The following SLC1A4 variants were observed in gnomAD, a reference collection of about 807,000 sequenced individuals.
The protein encoded by SLC1A4 is solute carrier family 1 member 4.
In SLC1A4, 19 loss-of-function variants were observed where a neutral mutation model predicts 37.7. That is an observed-to-expected ratio of 0.50 (90% CI 0.35 to 0.74). SLC1A4 has a LOEUF of 0.74. SLC1A4 is among the 30% of genes least tolerant of loss of function. SLC1A4 has a pLI of 0.01. For synonymous variants in SLC1A4, 299 were observed against 309.8 expected, an observed-to-expected ratio of 0.97 and a Z score of 0.37; for missense variants, 570 against 712.9, an observed-to-expected ratio of 0.80 and a Z score of 2.28.
At chr2:65,006,854 C>G (rs1673695758) in intron 3 of SLC1A4, among the ~76,000 whole-genome samples, 1 of 152,102 alleles carries the variant, frequency 6.6e-6, no homozygotes, top group East Asian at 1.9e-4. Flanking sequence ...GTAGGAGGAT[C>G]CCTTGAGCCA....
intron 1 of SLC1A4, 69 bp from the exon 2 acceptor site, chr2:65,001,379 G>A: frequency 7.0e-7 from 1 of 1,432,140 alleles, no homozygotes; most frequent in South Asian, 1.2e-5. Context: ...TCCAGCCTGG[G>A]CAACAGGGAC....
At chr2:65,010,358 T>G (rs1333860117) in intron 3 of SLC1A4, among the ~76,000 whole-genome samples, 2 of 152,264 alleles carry the variant, frequency 1.3e-5, no homozygotes, top group African/African-American at 2.4e-5. Flanking sequence ...TATGCCATTT[T>G]GGGCAGCTTT....
At chr2:64,997,650 C>T (rs538989738) in intron 1 of SLC1A4, among the ~76,000 whole-genome samples, 96 of 152,324 alleles carry the variant, frequency 6.3e-4, no homozygotes, top group African/African-American at 2.3e-3. Flanking sequence ...CACTTGGCTC[C>T]TTTTTATTGC....
chr2:65,010,567 A>C (rs775121835), intron 3 of SLC1A4, 30 bp from the exon 4 acceptor site: 1 of 1,563,596 alleles, frequency 6.4e-7, no homozygotes. Context: ...CATCTGTTGT[A>C]AACTTGTTCT....
intron 1 of SLC1A4, among the ~76,000 whole-genome samples, chr2:64,990,464 C>T (rs959203646): frequency 2.0e-5 from 3 of 152,204 alleles, no homozygotes; most frequent in African/African-American, 7.2e-5. Context: ...GCCGCCCCGC[C>T]TGTTCTTTAC....
At chr2:65,019,780 A>AGCCACCTCCT (rs765220875) in intron 7 of SLC1A4, among the ~76,000 whole-genome samples, 48 of 152,220 alleles carry the variant, frequency 3.2e-4, no homozygotes, top group Non-Finnish European at 6.9e-4. Flanking sequence ...TTCCTCACCC[A>AGCCACCTCCT]GCCACCTCCT....
chr2:65,010,833 G>A lies in SLC1A4; in HGVS notation c.800+70G>A, dbSNP rs1051380298. ...CATCCAGAAAAGAGTCCACCTTGCT[G>A]TTCTAGGTACCTGTGTGGGGCCACC... On this transcript the variant is annotated intron_variant, in intron 4 of 7. Coordinates refer to ENST00000234256, the MANE Select transcript of SLC1A4 (RefSeq NM_003038.5). The A allele has an allele frequency of 8.2e-5, 124 of 1,508,064 alleles. 1 individual carries two copies. Among genetic ancestry groups the A allele is most frequent in the Admixed American group, 1.5e-4 (8 of 51,694 alleles). The allele number at this position is 1,508,064 out of a possible 1,614,324, so 93.4% of individuals were successfully genotyped here.
chr2:65,001,223 C>T (rs1673445867), intron 1 of SLC1A4: 1 of 528,756 alleles, frequency 1.9e-6, no homozygotes, highest in South Asian at 2.3e-5. Flanking sequence ...AAAGCAGATA[C>T]TTTGCACACT....
chr2:65,010,321 G>A (rs1291748764), intron 3 of SLC1A4, among the ~76,000 whole-genome samples: 1 of 152,138 alleles, frequency 6.6e-6, no homozygotes, highest in Non-Finnish European at 1.5e-5. Flanking sequence ...CCCCATGACA[G>A]GGAGCCCACT....
In SLC1A4 at chr2:65,017,408, C is replaced by T. The variant is rs141216103; in HGVS notation, c.1035-663C>T. Among the ~76,000 whole-genome samples, 777 of 151,598 alleles carry T rather than the reference C, an allele frequency of 5.1e-3. 3 individuals carry two copies. Among genetic ancestry groups the T allele is most frequent in the African/African-American group, 0.017 (697 of 41,272 alleles). On this transcript the variant is annotated intron_variant, in intron 5 of 7. Transcript: ENST00000234256. ...TTAAAACTTTCAAAGGACGGCAGCA[C>T]GTCGTTTCATTCACACATTTAGTTT...
Position 65,021,091 on chromosome 2 carries a change from C to G in SLC1A4, c.1544C>G (p.Pro515Arg). ...TCGCCCCTGGTGACACACCAGAACC[C>G]CGCTGGCCCCGTGGCCAGTGCCCCA... Reference protein sequence around the residue: ...ETSPLVTHQNPAGPVASAPEL... With the variant: ...ETSPLVTHQNRAGPVASAPEL... The change falls in exon 8 of 8, where the codon CCC (proline) becomes CGC (arginine). Residue 515 changes from proline (P) to arginine (R), a missense_variant. Pro to Arg is a moderately radical substitution (Grantham distance 103, BLOSUM62 -2). Coordinates refer to ENST00000234256, the MANE Select transcript of SLC1A4 (RefSeq NM_003038.5). 1 of 1,614,252 alleles carries G rather than the reference C, an allele frequency of 6.2e-7. No homozygotes were observed. The highest frequency in any genetic ancestry group is 1.1e-5 in the South Asian group (1 of 91,088).
At chr2:64,991,247 T>C (rs1673037929) in intron 1 of SLC1A4, among the ~76,000 whole-genome samples, 1 of 152,160 alleles carries the variant, frequency 6.6e-6, no homozygotes, top group Non-Finnish European at 1.5e-5. Context: ...GAAAATGTGA[T>C]GGCTGTCTGC....
chr2:65,009,934 A>T (rs1009414453), intron 3 of SLC1A4, among the ~76,000 whole-genome samples: 6 of 145,430 alleles, frequency 4.1e-5, no homozygotes, highest in Middle Eastern at 6.5e-3. Flanking sequence ...TCTGAAGGAA[A>T]TTTTTTTTTT....
chr2:65,021,102 G>T lies in SLC1A4; in HGVS notation c.1555G>T (p.Val519Leu), dbSNP rs769833807. ...GACACACCAGAACCCCGCTGGCCCC[G>T]TGGCCAGTGCCCCAGAACTGGAATC... ...LVTHQNPAGPVASAPELESKE... is the reference protein window; with the variant it reads ...LVTHQNPAGPLASAPELESKE... The change falls in exon 8 of 8, where the codon GTG becomes TTG. Residue 519 changes from valine to leucine, a missense_variant. Physicochemically the swap from Val to Leu is conservative, Grantham distance 32. Transcript: ENST00000234256. 1.9e-6 allele frequency: 3 copies of T among 1,614,242 alleles called. No homozygotes were observed. Among genetic ancestry groups the T allele is most frequent in the Admixed American group, 3.3e-5 (2 of 60,028 alleles).
chr2:64,994,238 G>T (rs2103633196), intron 1 of SLC1A4, among the ~76,000 whole-genome samples: 1 of 152,344 alleles, frequency 6.6e-6, no homozygotes, highest in South Asian at 2.1e-4. Flanking sequence ...TGACATTCCG[G>T]TTTCTTTTTC....
upstream of SLC1A4, chr2:64,988,638 C>G (rs923829604): frequency 6.6e-6 from 1 of 152,264 alleles, no homozygotes; most frequent in African/African-American, 2.4e-5. Flanking sequence ...TGCGTTAGAG[C>G]CCTAATGAGC....
chr2:65,010,577 T>C lies in SLC1A4; in HGVS notation c.634-20T>C, dbSNP rs201163721. On this transcript the variant is annotated intron_variant, in intron 3 of 7. Coordinates refer to ENST00000234256, the MANE Select transcript of SLC1A4 (RefSeq NM_003038.5). ...TCACTCATCTGTTGTAAACTTGTTC[T>C]ATCCTCTCTGATCCTGCAGATCCCC... 1 of 1,583,628 alleles carries C rather than the reference T, an allele frequency of 6.3e-7. No individual in the cohort carries two copies. The highest frequency in any genetic ancestry group is 1.9e-5 in the Admixed American group (1 of 53,946).
Position 64,989,572 on chromosome 2 carries a change from T to G in SLC1A4, c.-72T>G, listed in dbSNP as rs573931144. The G allele has an allele frequency of 7.5e-7, 1 of 1,334,534 alleles. No homozygotes were observed. Among genetic ancestry groups the G allele is most frequent in the African/African-American group, 1.5e-5 (1 of 65,018 alleles). 82.7% of individuals were successfully genotyped at this position (1,334,534 alleles called of 1,614,324 possible). A position where few individuals can be genotyped will look rare whatever the true frequency, so the allele number is the denominator to read the frequency against. On this transcript the variant is annotated 5_prime_UTR_variant, in exon 1 of 8. In the 5' UTR this introduces an upstream ATG that the reference lacks. Coordinates refer to ENST00000234256, the MANE Select transcript of SLC1A4 (RefSeq NM_003038.5). ...GAGCACAACTGGCCGACCGACCCATTCATTGGGAACCCCGTCTTTTGCCAG... is the reference window on the plus strand; with the variant it reads ...GAGCACAACTGGCCGACCGACCCATGCATTGGGAACCCCGTCTTTTGCCAG...
chr2:65,020,865 G>C, intron 7 of SLC1A4, 47 bp from the exon 8 acceptor site: 1 of 1,524,522 alleles, frequency 6.6e-7, no homozygotes, highest in Non-Finnish European at 9.1e-7. Context: ...GACAGGACCC[G>C]ATCGCCCAGC....
Sources: gnomAD v4.1 joint callset for allele counts (sites outside exome capture counted in the v4.1 genomes callset) on GRCh38, gnomAD v4.1.1 for gene constraint, MANE v1.5 for transcripts, NCBI Gene and HGNC (gene_info 2026-07-23, HGNC 2026-07-21) for gene names.